VPS41: variants seen among roughly 807,000 people sequenced by gnomAD.
The protein encoded by VPS41 is VPS41 subunit of HOPS complex, also known as vacuolar protein sorting-associated protein 41 homolog.
Under a neutral mutation model 130.9 loss-of-function variants are expected in VPS41, and 85 were observed. The ratio of observed to expected loss-of-function variants is 0.65; its 90% CI spans 0.55 to 0.78. VPS41 has a LOEUF of 0.78. Ranked by LOEUF, VPS41 falls within the 30% of genes least tolerant of loss-of-function variation. VPS41 has a pLI of 0.00. For synonymous variants in VPS41, 335 were observed against 332.9 expected, an observed-to-expected ratio of 1.01 and a Z score of -0.07; for missense variants, 874 against 1,018.7, an observed-to-expected ratio of 0.86 and a Z score of 1.93.
intron 4 of VPS41, among the ~76,000 whole-genome samples, chr7:38,837,396 G>A (rs1261320887): frequency 1.3e-5 from 2 of 152,170 alleles, no homozygotes; most frequent in Admixed American, 1.3e-4. Context: ...CTGAGGCTCA[G>A]GTGAGCTTCT....
chr7:38,903,623 A>G (rs1413917340), intron 1 of VPS41, among the ~76,000 whole-genome samples: 1 of 152,202 alleles, frequency 6.6e-6, no homozygotes, highest in Non-Finnish European at 1.5e-5. Context: ...TGTCTTCCCA[A>G]CAAACTATGC....
chr7:38,843,634 A>G (rs1785660630), intron 4 of VPS41, among the ~76,000 whole-genome samples: 1 of 152,074 alleles, frequency 6.6e-6, no homozygotes, highest in East Asian at 1.9e-4. Flanking sequence ...GTGAGCCGAG[A>G]TAGCACCACT....
intron 25 of VPS41, among the ~76,000 whole-genome samples, chr7:38,731,562 A>G (rs1211897462): frequency 6.6e-6 from 1 of 152,114 alleles, no homozygotes; most frequent in Non-Finnish European, 1.5e-5. Context: ...CTATGTTTCA[A>G]GGTCATCTTA....
intron 3 of VPS41, among the ~76,000 whole-genome samples, chr7:38,867,564 A>C (rs1424358288): frequency 6.6e-6 from 1 of 151,986 alleles, no homozygotes; most frequent in African/African-American, 2.4e-5. Context: ...AAAATAAATA[A>C]ATAAAAGAAA....
chr7:38,889,375 A>AG (rs397827692), intron 2 of VPS41, among the ~76,000 whole-genome samples: 7 of 151,282 alleles, frequency 4.6e-5, no homozygotes, highest in African/African-American at 1.7e-4. Flanking sequence ...AAAAAAAAAA[A>AG]TCTTGAAAAC....
chr7:38,818,487 A>G (rs1785106133), intron 6 of VPS41, among the ~76,000 whole-genome samples: 1 of 152,170 alleles, frequency 6.6e-6, no homozygotes, highest in Admixed American at 6.5e-5. Context: ...ATCTTTCTCC[A>G]GCCCCTTGCT....
At chr7:38,894,417 T>C (rs1786933847) in intron 2 of VPS41, among the ~76,000 whole-genome samples, 1 of 144,622 alleles carries the variant, frequency 6.9e-6, no homozygotes, top group Non-Finnish European at 1.5e-5. Context: ...ACTGTTTTCA[T>C]AGAGCTAGAG....
At chr7:38,897,310 T>A (rs1291760315) in intron 2 of VPS41, among the ~76,000 whole-genome samples, 1 of 152,002 alleles carries the variant, frequency 6.6e-6, no homozygotes, top group Non-Finnish European at 1.5e-5. Flanking sequence ...ACTATCTTTA[T>A]CACAATAACC....
chr7:38,771,081 A>C, intron 14 of VPS41, 117 bp downstream of exon 14: 1 of 747,062 alleles, frequency 1.3e-6, no homozygotes, highest in Non-Finnish European at 2.2e-6. Flanking sequence ...TTAGGGAATT[A>C]GTTTAAAATA....
At chr7:38,809,912 C>A (rs1291019558) in intron 7 of VPS41, among the ~76,000 whole-genome samples, 1 of 151,244 alleles carries the variant, frequency 6.6e-6, no homozygotes, top group Non-Finnish European at 1.5e-5. Flanking sequence ...ACAGGGAAAG[C>A]TGGACAATTA....
chr7:38,768,632 AAG>A (rs1338139423), intron 14 of VPS41, among the ~76,000 whole-genome samples: 2 of 152,192 alleles, frequency 1.3e-5, no homozygotes, highest in African/African-American at 4.8e-5. Context: ...GAAGTGAAGA[AAG>A]AGTGTCTAAC....
At chr7:38,763,621 A>C (rs1783968767) in intron 16 of VPS41, 74 bp from the exon 17 acceptor site, 1 of 907,914 alleles carries the variant, frequency 1.1e-6, no homozygotes, top group Non-Finnish European at 1.7e-6. Flanking sequence ...TATGCAGAAA[A>C]CATAAAGTAT....
At chr7:38,908,968 C>T (rs1787327982) in intron 1 of VPS41, among the ~76,000 whole-genome samples, 186 bp downstream of exon 1, 1 of 152,160 alleles carries the variant, frequency 6.6e-6, no homozygotes, top group African/African-American at 2.4e-5. Flanking sequence ...CCTAGGTGCC[C>T]TCCCGGGGCT....
chr7:38,851,457 C>T (rs1785852840), intron 4 of VPS41, among the ~76,000 whole-genome samples: 1 of 152,180 alleles, frequency 6.6e-6, no homozygotes, highest in Non-Finnish European at 1.5e-5. Flanking sequence ...TTACTTAACA[C>T]AATAGAGCTG....
intron 28 of VPS41, 28 bp from the exon 29 acceptor site, chr7:38,726,354 T>A: frequency 6.4e-7 from 1 of 1,559,058 alleles, no homozygotes; most frequent in Admixed American, 1.7e-5. Context: ...AAACACATAT[T>A]TAAAAAATGA....
At chr7:38,809,504 C>T (rs4723796) in intron 7 of VPS41, among the ~76,000 whole-genome samples, 91,897 of 151,696 alleles carry the variant, frequency 0.61, 28,589 homozygotes, top group East Asian at 0.89. Flanking sequence ...TTATAAAAAG[C>T]TTCCCATATT....
chr7:38,828,819 T>G (rs934898293), intron 5 of VPS41, among the ~76,000 whole-genome samples: 1 of 152,166 alleles, frequency 6.6e-6, no homozygotes, highest in Non-Finnish European at 1.5e-5. Flanking sequence ...TAATCTGAGG[T>G]TCATCTTATC....
intron 25 of VPS41, among the ~76,000 whole-genome samples, chr7:38,735,312 G>A (rs1795741646): frequency 6.6e-6 from 1 of 152,134 alleles, no homozygotes; most frequent in Non-Finnish European, 1.5e-5. Context: ...CCCAAAAAAA[G>A]GTTAGTAAGA....
rs530862116 is a variant in VPS41, at chr7:38,777,557, G to C, written c.785-781C>G. On this transcript the variant is annotated intron_variant, in intron 10 of 28. Coordinates refer to ENST00000310301, the MANE Select transcript of VPS41 (RefSeq NM_014396.4). Reference sequence around the variant, plus strand: ...TTGTTTTAAGAGACTGAGATTGGGAGTGGCTTGTTTCAGAGCAGAAGCTAA... The same window carrying C: ...TTGTTTTAAGAGACTGAGATTGGGACTGGCTTGTTTCAGAGCAGAAGCTAA... Among the ~76,000 whole-genome samples the C allele has an allele frequency of 2.0e-5, 3 of 152,198 alleles. No homozygotes were observed. The South Asian group carries it at 6.2e-4, about 32-fold the overall frequency.
Sources: allele counts gnomAD v4.1 joint callset (sites outside exome capture counted in the v4.1 genomes callset), GRCh38; gene constraint gnomAD v4.1.1; transcripts MANE v1.5; gene names NCBI Gene and HGNC (gene_info 2026-07-23, HGNC 2026-07-21).